Variants in PTPRD observed in about 807,000 individuals in gnomAD.
PTPRD encodes the protein protein tyrosine phosphatase receptor type D, also known as receptor-type tyrosine-protein phosphatase delta.
Under a neutral mutation model 214.5 loss-of-function variants are expected in PTPRD, and 34 were observed. The observed-to-expected ratio is 0.16, with a 90% CI of 0.12 to 0.21. PTPRD has a LOEUF of 0.21. Among genes scored for constraint, PTPRD ranks in the 10% least tolerant of loss-of-function variants. The pLI, the probability that PTPRD is intolerant of heterozygous loss-of-function variation, is 1.00. For missense variants in PTPRD, 2,545 were observed against 2,398.7 expected, an observed-to-expected ratio of 1.06 and a Z score of -1.27; for synonymous variants, 1,128 against 845.7, an observed-to-expected ratio of 1.33 and a Z score of -5.79.
chr9:10,601,839 G>C (rs2181153), intron 2 of PTPRD, among the ~76,000 whole-genome samples: 20,558 of 151,510 alleles, frequency 0.14, 1,600 homozygotes, highest in Admixed American at 0.22. Context: ...AAACTGCTCA[G>C]GTTGGCATAT....
intron 9 of PTPRD, among the ~76,000 whole-genome samples, chr9:9,284,824 T>C (rs1301355393): frequency 6.6e-6 from 1 of 151,768 alleles, no homozygotes; most frequent in Non-Finnish European, 1.5e-5. Context: ...TTTTATTTCA[T>C]TTTCTACCAA....
chr9:9,044,811 A>T (rs993634594), intron 10 of PTPRD, among the ~76,000 whole-genome samples: 8 of 152,284 alleles, frequency 5.3e-5, no homozygotes, highest in Admixed American at 2.6e-4. Context: ...TACCATTTAG[A>T]AGGAATGACA....
At chr9:8,972,427 G>C (rs1007916333) in intron 11 of PTPRD, among the ~76,000 whole-genome samples, 3 of 151,580 alleles carry the variant, frequency 2.0e-5, no homozygotes, top group African/African-American at 7.3e-5. Flanking sequence ...ACATTTAAAT[G>C]AATCAAACAT....
intron 5 of PTPRD, among the ~76,000 whole-genome samples, chr9:9,860,052 T>C (rs10978042): frequency 0.14 from 20,850 of 152,244 alleles, 1,678 homozygotes; most frequent in Non-Finnish European, 0.18. Context: ...AAAATAACTG[T>C]TTAGTAACAT....
intron 2 of PTPRD, among the ~76,000 whole-genome samples, chr9:10,569,302 A>G (rs12684629): frequency 0.05 from 7,567 of 152,144 alleles, 247 homozygotes; most frequent in East Asian, 0.099. Flanking sequence ...GTAAGACTTT[A>G]CTCTTATCTC....
chr9:9,263,808 A>C (rs908674768), intron 9 of PTPRD, among the ~76,000 whole-genome samples: 1 of 151,746 alleles, frequency 6.6e-6, no homozygotes, highest in African/African-American at 2.4e-5. Context: ...TTGAGTAGGG[A>C]GGGTGGGAGG....
intron 2 of PTPRD, among the ~76,000 whole-genome samples, chr9:10,514,757 G>C (rs933507011): frequency 6.6e-6 from 1 of 151,898 alleles, no homozygotes; most frequent in African/African-American, 2.4e-5. Context: ...ATAGTTTGTT[G>C]TTGATGTATC....
intron 7 of PTPRD, among the ~76,000 whole-genome samples, chr9:9,637,762 G>C (rs561234259): frequency 7.9e-5 from 12 of 152,236 alleles, no homozygotes; most frequent in Admixed American, 2.6e-4. Flanking sequence ...AACTCTCTGT[G>C]GTAGCCCAGA....
chr9:10,264,131 G>C (rs1194316644), intron 3 of PTPRD, among the ~76,000 whole-genome samples: 1 of 152,184 alleles, frequency 6.6e-6, no homozygotes, highest in African/African-American at 2.4e-5. Context: ...GTTTGCTTCA[G>C]GAGTGGAGTC....
chr9:10,124,941 A>C (rs975254435), intron 3 of PTPRD, among the ~76,000 whole-genome samples: 5 of 152,212 alleles, frequency 3.3e-5, no homozygotes, highest in Admixed American at 2.0e-4. Flanking sequence ...CCAGAAGACC[A>C]TCTTCAGAAA....
At chr9:8,690,724 T>C (rs2154381485) in intron 12 of PTPRD, among the ~76,000 whole-genome samples, 1 of 151,954 alleles carries the variant, frequency 6.6e-6, no homozygotes, top group Non-Finnish European at 1.5e-5. Context: ...AGAAAAGACA[T>C]AAAAAATATT....
chr9:8,529,794 A>G (rs2075200217), intron 14 of PTPRD, among the ~76,000 whole-genome samples: 1 of 152,100 alleles, frequency 6.6e-6, no homozygotes, highest in Non-Finnish European at 1.5e-5. Context: ...GAAGATCATG[A>G]ATTTTTGTTA....
At chr9:10,186,969 T>C (rs747565797) in intron 3 of PTPRD, among the ~76,000 whole-genome samples, 4 of 152,184 alleles carry the variant, frequency 2.6e-5, no homozygotes, top group Non-Finnish European at 5.9e-5. Flanking sequence ...TCACTCATCA[T>C]ACCAGGAGAG....
At chr9:9,275,764 TACTC>T (rs1003864415) in intron 9 of PTPRD, among the ~76,000 whole-genome samples, 17 of 151,288 alleles carry the variant, frequency 1.1e-4, no homozygotes, top group African/African-American at 4.1e-4. Flanking sequence ...AGGCACTCAT[TACTC>T]ACCTCCCTCC....
chr9:10,147,632 C>T (rs368945648), intron 3 of PTPRD, among the ~76,000 whole-genome samples: 38 of 152,288 alleles, frequency 2.5e-4, no homozygotes, highest in East Asian at 2.3e-3. Context: ...GTAATCCCAG[C>T]ACTTTAGGAT....
rs1172572861 is a variant in PTPRD at position 8,436,623 on chromosome 9, T to C, written c.4055A>G (p.Asn1352Ser). 6.2e-7 allele frequency: 1 copy of C among 1,613,548 alleles called. No homozygotes were observed. Among genetic ancestry groups the C allele is most frequent in the African/African-American group, 1.3e-5 (1 of 75,044 alleles). ...TTCCTGGGAAAACTTCAAGTTGTCATTTGCTTTCAATCTTTCAATGTGGTC... is the reference window on the plus strand; with the variant it reads ...TTCCTGGGAAAACTTCAAGTTGTCACTTGCTTTCAATCTTTCAATGTGGTC... ...LADHIERLKA[N>S]DNLKFSQEYE... is the part of the protein sequence containing the mutation. The change falls in exon 35 of 46, where the codon AAT becomes AGT. Residue 1352 changes from asparagine (N) to serine (S), a missense_variant. Physicochemically the swap from Asn to Ser is conservative, Grantham distance 46. Coordinates refer to ENST00000381196, the MANE Select transcript of PTPRD (RefSeq NM_002839.4).
At chr9:9,105,635 C>G (rs2099797425) in intron 10 of PTPRD, among the ~76,000 whole-genome samples, 1 of 152,086 alleles carries the variant, frequency 6.6e-6, no homozygotes, top group Non-Finnish European at 1.5e-5. Flanking sequence ...CAACTAAGAT[C>G]AGAATTTCCC....
intron 10 of PTPRD, among the ~76,000 whole-genome samples, chr9:9,168,456 A>G (rs1291153958): frequency 1.3e-5 from 2 of 152,230 alleles, no homozygotes; most frequent in Admixed American, 6.5e-5. Context: ...AAGCTACCCT[A>G]ATTTCTTTTT....
chr9:10,222,658 C>T (rs935376570), intron 3 of PTPRD, among the ~76,000 whole-genome samples: 2 of 152,016 alleles, frequency 1.3e-5, no homozygotes, highest in Non-Finnish European at 2.9e-5. Context: ...CGTAAATGCT[C>T]ATAGAGGTAA....
Sources: gnomAD v4.1 joint callset for allele counts (sites outside exome capture counted in the v4.1 genomes callset) on GRCh38, gnomAD v4.1.1 for gene constraint, MANE v1.5 for transcripts, NCBI Gene and HGNC (gene_info 2026-07-23, HGNC 2026-07-21) for gene names.